SLC44A1: variants seen among roughly 807,000 people sequenced by gnomAD.
SLC44A1 encodes the protein choline transporter-like protein 1.
In SLC44A1, 26 loss-of-function variants were observed where a neutral mutation model predicts 79.3. That is an observed-to-expected ratio of 0.33 (90% CI 0.24 to 0.46). SLC44A1 has a LOEUF of 0.46. Ranked by LOEUF, SLC44A1 falls within the 20% of genes least tolerant of loss-of-function variation. SLC44A1 has a pLI of 1.00. For missense variants in SLC44A1, 688 were observed against 798.1 expected, an observed-to-expected ratio of 0.86 and a Z score of 1.66; for synonymous variants, 263 against 286.2, an observed-to-expected ratio of 0.92 and a Z score of 0.82.
intron 12 of SLC44A1, among the ~76,000 whole-genome samples, chr9:105,366,682 G>A (rs999529591): frequency 6.6e-6 from 1 of 152,016 alleles, no homozygotes; most frequent in African/African-American, 2.4e-5. Flanking sequence ...TGTTACATAT[G>A]TTATTATTTT....
rs537487465 is a variant in SLC44A1 at position 105,345,642 on chromosome 9, A to G, written c.407-2716A>G. The stretch of plus-strand genomic sequence containing the variant: ...ACATACCTCTTAGGGGAGTTGATAT[A>G]ACTGATACTGAGCTAAAGAATAATA... On this transcript the variant is annotated intron_variant, in intron 4 of 15. Transcript: ENST00000374720. 3.3e-5 allele frequency among the ~76,000 whole-genome samples: 5 copies of G among 152,210 alleles called. No homozygotes were observed. The East Asian group carries it at 9.6e-4, about 29-fold the overall frequency.
At chr9:105,342,818 T>C (rs1286654606) in intron 4 of SLC44A1, among the ~76,000 whole-genome samples, 2 of 152,114 alleles carry the variant, frequency 1.3e-5, no homozygotes, top group Non-Finnish European at 2.9e-5. Context: ...TTGCACTTGC[T>C]ATCTAAGTTC....
intron 15 of SLC44A1, among the ~76,000 whole-genome samples, chr9:105,415,896 A>ATTTTTT (rs10592448): frequency 8.5e-6 from 1 of 117,966 alleles, no homozygotes; most frequent in Non-Finnish European, 1.7e-5. Flanking sequence ...GATTGACTGA[A>ATTTTTT]TTTTTTTTTT....
intron 4 of SLC44A1, among the ~76,000 whole-genome samples, chr9:105,341,026 G>A (rs1415025480): frequency 6.6e-6 from 1 of 152,136 alleles, no homozygotes; most frequent in Non-Finnish European, 1.5e-5. Flanking sequence ...TTTAAAGGCA[G>A]ACAGACAAAT....
At chr9:105,360,596 A>G (rs113872875) in intron 7 of SLC44A1, among the ~76,000 whole-genome samples, 115 of 152,196 alleles carry the variant, frequency 7.6e-4, no homozygotes, top group Middle Eastern at 3.4e-3. Flanking sequence ...GAATCTCTCA[A>G]CCGGTGTTGG....
intron 1 of SLC44A1, among the ~76,000 whole-genome samples, chr9:105,283,966 A>G (rs1294707768): frequency 1.3e-5 from 2 of 152,160 alleles, no homozygotes; most frequent in Admixed American, 6.6e-5. Flanking sequence ...TGGATGACCC[A>G]TGGTGCAGCC....
At chr9:105,250,664 G>C (rs188764720) in intron 1 of SLC44A1, among the ~76,000 whole-genome samples, 43 of 152,322 alleles carry the variant, frequency 2.8e-4, no homozygotes, top group Admixed American at 2.0e-3. Flanking sequence ...GCTGGGATTA[G>C]AAACCTGCTT....
chr9:105,350,927 C>T (rs905409572), intron 5 of SLC44A1, among the ~76,000 whole-genome samples: 8 of 152,272 alleles, frequency 5.3e-5, no homozygotes, highest in African/African-American at 1.7e-4. Context: ...TTCAATGAAG[C>T]ATTAGTGACA....
intron 10 of SLC44A1, 48 bp from the exon 11 acceptor site, chr9:105,365,435 C>T: frequency 1.4e-6 from 2 of 1,477,648 alleles, no homozygotes; most frequent in Non-Finnish European, 1.9e-6. Flanking sequence ...TGTTTCCATC[C>T]TGATCTAGGC....
At chr9:105,415,834 C>A (rs1192952505) in intron 15 of SLC44A1, among the ~76,000 whole-genome samples, 1 of 151,438 alleles carries the variant, frequency 6.6e-6, no homozygotes, top group Non-Finnish European at 1.5e-5. Context: ...AATGAATGTT[C>A]CCGTTTTACG....
chr9:105,262,393 A>G (rs776408511), intron 1 of SLC44A1, among the ~76,000 whole-genome samples: 4 of 152,348 alleles, frequency 2.6e-5, no homozygotes, highest in East Asian at 3.9e-4. Context: ...GCAAGTCACA[A>G]TGGCTTTTGA....
intron 1 of SLC44A1, among the ~76,000 whole-genome samples, chr9:105,282,643 G>T (rs780469227): frequency 6.6e-6 from 1 of 152,072 alleles, no homozygotes. Flanking sequence ...CCGCCTCCTG[G>T]GTTCAACCAA....
intron 12 of SLC44A1, among the ~76,000 whole-genome samples, chr9:105,372,668 A>T (rs935635813): frequency 3.3e-5 from 5 of 150,878 alleles, no homozygotes; most frequent in Non-Finnish European, 7.4e-5. Flanking sequence ...AACCACAGGT[A>T]GGCCGGGCGC....
chr9:105,329,121 G>A (rs1467215238), intron 3 of SLC44A1, among the ~76,000 whole-genome samples: 5 of 152,180 alleles, frequency 3.3e-5, no homozygotes, highest in African/African-American at 7.2e-5. Flanking sequence ...TTTAGCAATA[G>A]CAAGCCTCCG....
intron 1 of SLC44A1, among the ~76,000 whole-genome samples, chr9:105,296,809 CAG>C: frequency 1.3e-5 from 2 of 152,230 alleles, no homozygotes; most frequent in African/African-American, 4.8e-5. Context: ...ATGAATAATA[CAG>C]AGAATTATGT....
At chr9:105,352,622 T>C (rs983166311) in intron 5 of SLC44A1, among the ~76,000 whole-genome samples, 1 of 152,226 alleles carries the variant, frequency 6.6e-6, no homozygotes, top group African/African-American at 2.4e-5. Context: ...ACTTACTGTA[T>C]ATAGAATACT....
chr9:105,324,570 C>T (rs986139204), intron 3 of SLC44A1, among the ~76,000 whole-genome samples: 1 of 152,070 alleles, frequency 6.6e-6, no homozygotes, highest in African/African-American at 2.4e-5. Context: ...GCTGTTTTTA[C>T]TCTACTGTCA....
chr9:105,288,051 C>T (rs1198921191), intron 1 of SLC44A1, among the ~76,000 whole-genome samples: 2 of 152,082 alleles, frequency 1.3e-5, no homozygotes, highest in African/African-American at 2.4e-5. Flanking sequence ...GGGAAAAATG[C>T]ATTATAAATC....
chr9:105,285,081 A>G (rs185429467), intron 1 of SLC44A1, among the ~76,000 whole-genome samples: 7 of 152,336 alleles, frequency 4.6e-5, no homozygotes, highest in Non-Finnish European at 8.8e-5. Flanking sequence ...GCATGTGTGT[A>G]TCATTACTTC....
Sources: allele counts gnomAD v4.1 joint callset (sites outside exome capture counted in the v4.1 genomes callset), GRCh38; gene constraint gnomAD v4.1.1; transcripts MANE v1.5; gene names NCBI Gene and HGNC (gene_info 2026-07-23, HGNC 2026-07-21).